Variants in OPRM1 observed in about 807,000 individuals in gnomAD.
OPRM1 encodes the protein opioid receptor mu 1, also known as mu-type opioid receptor.
OPRM1 carries 27 observed loss-of-function variants against 31.8 expected under a neutral mutation model. The ratio of observed to expected loss-of-function variants is 0.85; its 90% CI spans 0.63 to 1.17. OPRM1 has a LOEUF of 1.17. Ranked by LOEUF, OPRM1 falls within the 50% of genes most tolerant of loss-of-function variation. The probability of loss-of-function intolerance (pLI) is 0.00; values close to 1 mark genes in which losing one functional copy is unlikely to be tolerated. For synonymous variants in OPRM1, 196 were observed against 189.9 expected, an observed-to-expected ratio of 1.03 and a Z score of -0.26; for missense variants, 536 against 511.1, an observed-to-expected ratio of 1.05 and a Z score of -0.47.
chr6:154,180,373 TTAACAACAA>T (rs1311846042), intron 3 of OPRM1, among the ~76,000 whole-genome samples: 3 of 146,402 alleles, frequency 2.0e-5, no homozygotes, highest in Admixed American at 1.4e-4. Context: ...CTGAGCTAGT[TTAACAACAA>T]CAACTATATA....
Position 154,130,317 on chromosome 6 carries a change from C to T in OPRM1, c.*11596C>T, listed in dbSNP as rs1010194836. Among the ~76,000 whole-genome samples, 4 of 151,652 alleles carry T rather than the reference C, an allele frequency of 2.6e-5. No homozygotes were observed. The highest frequency in any genetic ancestry group is 5.9e-5 in the Non-Finnish European group (4 of 67,930). On this transcript the variant is annotated 3_prime_UTR_variant, in exon 4 of 4. Coordinates refer to ENST00000330432, the MANE Select transcript of OPRM1 (RefSeq NM_000914.5). ...CTGAGTAGCTGGGACTACAGGTGCCCGCCACAACACCTGGCTAATTTTTTG... is the reference window on the plus strand; with the variant it reads ...CTGAGTAGCTGGGACTACAGGTGCCTGCCACAACACCTGGCTAATTTTTTG...
chr6:154,134,252 T>G (rs1797999998), downstream of OPRM1, among the ~76,000 whole-genome samples: 1 of 152,206 alleles, frequency 6.6e-6, no homozygotes, highest in Admixed American at 6.5e-5. Context: ...TTATTCCTTC[T>G]GGAACCCCAA....
chr6:154,090,912 A>C, intron 2 of OPRM1, 40 bp from the exon 3 acceptor site: 1 of 1,570,058 alleles, frequency 6.4e-7, no homozygotes, highest in Non-Finnish European at 8.7e-7. Flanking sequence ...ACATAATTAA[A>C]TGTTGCTGCT....
intron 1 of OPRM1, among the ~76,000 whole-genome samples, chr6:154,069,123 AT>A (rs1169820751): frequency 7.2e-5 from 11 of 152,262 alleles, no homozygotes; most frequent in Admixed American, 7.2e-4. Flanking sequence ...CAGCTGTATA[AT>A]TTGCAAATAT....
At chr6:154,197,417 G>C (rs2128588783) in intron 3 of OPRM1, among the ~76,000 whole-genome samples, 1 of 152,250 alleles carries the variant, frequency 6.6e-6, no homozygotes, top group East Asian at 1.9e-4. Context: ...CCCAGCAGCA[G>C]AAGAAAATCA....
intron 1 of OPRM1, among the ~76,000 whole-genome samples, chr6:154,026,056 C>A (rs190716014): frequency 1.5e-4 from 23 of 152,098 alleles, no homozygotes; most frequent in Admixed American, 1.3e-3. Flanking sequence ...CAGATGATTT[C>A]TTTTTGTTCA....
intron 3 of OPRM1, among the ~76,000 whole-genome samples, chr6:154,167,309 G>A (rs1176478144): frequency 6.6e-6 from 1 of 152,216 alleles, no homozygotes; most frequent in African/African-American, 2.4e-5. Context: ...AATAGCTTCA[G>A]TACTTCCTGT....
At chr6:154,138,422 T>C (rs924913378) in intron 3 of OPRM1, among the ~76,000 whole-genome samples, 1 of 152,194 alleles carries the variant, frequency 6.6e-6, no homozygotes, top group Non-Finnish European at 1.5e-5. Flanking sequence ...TCAGCAAGTA[T>C]CTGGAGGTGG....
chr6:154,094,484 T>C (rs959297361), intron 3 of OPRM1, among the ~76,000 whole-genome samples: 1 of 152,224 alleles, frequency 6.6e-6, no homozygotes, highest in East Asian at 1.9e-4. Context: ...AGAACAGCCA[T>C]TGGAGCTGGG....
At chr6:154,075,574 C>T (rs963611308) in intron 1 of OPRM1, among the ~76,000 whole-genome samples, 1 of 152,008 alleles carries the variant, frequency 6.6e-6, no homozygotes, top group Non-Finnish European at 1.5e-5. Context: ...GCCTCAGCCT[C>T]CCGAAGAGCT....
chr6:154,064,564 A>G (rs928445484), intron 1 of OPRM1, among the ~76,000 whole-genome samples: 4 of 152,168 alleles, frequency 2.6e-5, no homozygotes, highest in African/African-American at 7.2e-5. Context: ...ATCTTTGTGA[A>G]ATCTAATGTT....
chr6:154,118,712 G>A lies in OPRM1; in HGVS notation c.1194G>A (p.Pro398=), dbSNP rs75966193. 7.0e-5 allele frequency: 113 copies of A among 1,613,036 alleles called. 1 individual carries two copies. The South Asian group carries it at 7.0e-4, about 10-fold the overall frequency. Reference sequence around the variant, plus strand: ...AAAATCTGGAAGCAGAAACTGCTCCGTTGCCCTAACAGGGTCTCATGCCAT... The same window carrying A: ...AAAATCTGGAAGCAGAAACTGCTCCATTGCCCTAACAGGGTCTCATGCCAT... ...QLENLEAETA[P]LP The change falls in exon 4 of 4, where the codon CCG becomes CCA. Residue 398 remains proline, a synonymous_variant. Transcript: ENST00000330432.
chr6:154,019,303 A>G (rs920343406), intron 1 of OPRM1, among the ~76,000 whole-genome samples: 2 of 149,406 alleles, frequency 1.3e-5, no homozygotes, highest in Admixed American at 6.6e-5. Context: ...CCATATGACC[A>G]TTGCTCCCTC....
chr6:154,113,260 C>CAGT (rs958867880), intron 3 of OPRM1, among the ~76,000 whole-genome samples: 13 of 152,204 alleles, frequency 8.5e-5, no homozygotes, highest in African/African-American at 3.1e-4. Flanking sequence ...TGCTGGGGAA[C>CAGT]AGTACTCACA....
At chr6:154,056,766 A>G (rs966782533) in intron 1 of OPRM1, among the ~76,000 whole-genome samples, 1 of 152,036 alleles carries the variant, frequency 6.6e-6, no homozygotes, top group African/African-American at 2.4e-5. Flanking sequence ...ATTAAATGTT[A>G]ATTGAAAAAC....
chr6:154,094,347 TG>T, intron 3 of OPRM1: 1 of 593,952 alleles, frequency 1.7e-6, no homozygotes, highest in South Asian at 1.5e-5. Flanking sequence ...GAGAAAATTC[TG>T]TGCCCAAAAT....
intron 3 of OPRM1, among the ~76,000 whole-genome samples, chr6:154,208,574 CA>C (rs1777698331): frequency 6.6e-6 from 1 of 152,200 alleles, no homozygotes; most frequent in Non-Finnish European, 1.5e-5. Context: ...CCACTTTATT[CA>C]CTGATGTGTT....
chr6:154,240,252 C>T (rs1209880553), intron 3 of OPRM1, among the ~76,000 whole-genome samples: 3 of 152,100 alleles, frequency 2.0e-5, no homozygotes, highest in East Asian at 1.9e-4. Context: ...TGCTCTGTAC[C>T]TGCCAACTTC....
chr6:154,182,624 G>C (rs1415797235), intron 3 of OPRM1, among the ~76,000 whole-genome samples: 1 of 152,162 alleles, frequency 6.6e-6, no homozygotes, highest in Non-Finnish European at 1.5e-5. Flanking sequence ...AAAGATATTT[G>C]ATCGCCTTTT....
Sources: gnomAD v4.1 joint callset for allele counts (sites outside exome capture counted in the v4.1 genomes callset) on GRCh38, gnomAD v4.1.1 for gene constraint, MANE v1.5 for transcripts, NCBI Gene and HGNC (gene_info 2026-07-23, HGNC 2026-07-21) for gene names.